SRPX2: variants seen among roughly 807,000 people sequenced by gnomAD.
SRPX2 encodes the protein sushi repeat-containing protein SRPX2.
SRPX2 carries 26 observed loss-of-function variants against 45.3 expected under a neutral mutation model. The ratio of observed to expected loss-of-function variants is 0.57; its 90% CI spans 0.42 to 0.80. The LOEUF is 0.80. Ranked by LOEUF, SRPX2 falls within the 30% of genes least tolerant of loss-of-function variation. The pLI, the probability that SRPX2 is intolerant of heterozygous loss-of-function variation, is 0.00. For missense variants in SRPX2, 355 were observed against 399.8 expected (o/e 0.89, Z 0.95); for synonymous variants, 125 against 143.7 (o/e 0.87, Z 0.93).
chrX:100,646,180 T>C lies in SRPX2; in HGVS notation c.-130-13T>C. On this transcript the variant is annotated splice_polypyrimidine_tract_variant and intron_variant, in intron 1 of 10. Transcript: ENST00000373004. ...GCATTCATTAATTATAAAATCTCTC[T>C]TCTTCCTCACAGATCCCATATTTCT... 1 of 528,734 alleles carries C rather than the reference T, an allele frequency of 1.9e-6. No individual in the cohort carries two copies. Among genetic ancestry groups the C allele is most frequent in the South Asian group, 2.6e-5 (1 of 39,150 alleles). 43.6% of individuals were successfully genotyped at this position (528,734 alleles called of 1,213,427 possible).
In SRPX2 at chrX:100,671,304, C is replaced by A. The variant is rs2147652859; in HGVS notation, c.*317C>A. On this transcript the variant is annotated 3_prime_UTR_variant, in exon 11 of 11. Coordinates refer to ENST00000373004, the MANE Select transcript of SRPX2 (RefSeq NM_014467.3). ...AATCCTAAATTCAGTGATGAACTGG[C>A]TGTTTTAACTGGTTCCTCTACCCTG... 1 of 320,458 alleles carries A rather than the reference C, an allele frequency of 3.1e-6. No homozygotes were observed. The highest frequency in any genetic ancestry group is 5.6e-6 in the Non-Finnish European group (1 of 179,296). 26.4% of individuals were successfully genotyped at this position (320,458 alleles called of 1,213,427 possible).
At chrX:100,644,871 AG>A (rs1263192306) in intron 1 of SRPX2, among the ~76,000 whole-genome samples, 1 of 111,240 alleles carries the variant, frequency 9.0e-6, no homozygotes, top group African/African-American at 3.3e-5. Context: ...GATGTGGGAG[AG>A]GGGTCAGTGA....
chrX:100,658,150 C>T (rs1286882979), intron 3 of SRPX2, among the ~76,000 whole-genome samples: 1 of 111,969 alleles, frequency 8.9e-6, no homozygotes, highest in African/African-American at 3.2e-5. Context: ...GTTTTTGTTT[C>T]CTGGCTTTTG....
At chrX:100,656,892 C>T (rs1371973374) in intron 3 of SRPX2, among the ~76,000 whole-genome samples, 1 of 109,577 alleles carries the variant, frequency 9.1e-6, no homozygotes, top group East Asian at 2.9e-4. Flanking sequence ...TCCTTCCTTC[C>T]TTTCCTTCCT....
chrX:100,659,797 CT>C (rs34926181), intron 3 of SRPX2, among the ~76,000 whole-genome samples: 1,395 of 85,980 alleles, frequency 0.016, 47 homozygotes, highest in African/African-American at 0.058. Context: ...TTTTTCAAAG[CT>C]TTTTTTTTTT....
intron 3 of SRPX2, among the ~76,000 whole-genome samples, chrX:100,660,712 G>T (rs1488465460): frequency 9.0e-6 from 1 of 111,051 alleles, no homozygotes; most frequent in African/African-American, 3.3e-5. Flanking sequence ...GTGGTGGCAG[G>T]CGCCTGTAGT....
intron 2 of SRPX2, 46 bp from the exon 3 acceptor site, chrX:100,650,739 A>T: frequency 8.8e-7 from 1 of 1,132,676 alleles, no homozygotes; most frequent in Non-Finnish European, 1.2e-6. Context: ...GAAGGAATTG[A>T]GTGAGAAATC....
intron 2 of SRPX2, among the ~76,000 whole-genome samples, chrX:100,647,829 C>T (rs757608440): frequency 8.9e-6 from 1 of 112,628 alleles, no homozygotes; most frequent in South Asian, 3.7e-4. Flanking sequence ...TGGAACACCC[C>T]ACTTCCACGT....
rs927117258 is a variant in SRPX2 at position 100,673,372 on chromosome X, T to C, written c.*2385T>C. 6 of 111,763 alleles carry C rather than the reference T, an allele frequency of 5.4e-5. No homozygotes were observed. Among genetic ancestry groups the C allele is most frequent in the African/African-American group, 2.0e-4 (6 of 30,699 alleles). 9.2% of individuals were successfully genotyped at this position (111,763 alleles called of 1,213,427 possible). A position where few individuals can be genotyped will look rare whatever the true frequency, so the allele number is the denominator to read the frequency against. ...TAAAGTTTTACAGTAACCTCCTTTG[T>C]AGTCCTTTGAAGATGAGGATTTGAG... On this transcript the variant is annotated 3_prime_UTR_variant, in exon 11 of 11. Coordinates refer to ENST00000373004, the MANE Select transcript of SRPX2 (RefSeq NM_014467.3).
rs2083151166 is a variant in SRPX2 at position 100,650,938 on chromosome X, C to A, written c.163+73C>A. Reference sequence around the variant, plus strand: ...AGACCTAGGCCCTTCCCTGAAGCATCCCCATCAGGCTTGGCTCACATGTGT... The same window carrying A: ...AGACCTAGGCCCTTCCCTGAAGCATACCCATCAGGCTTGGCTCACATGTGT... On this transcript the variant is annotated intron_variant, in intron 3 of 10. Transcript: ENST00000373004. 3.5e-6 allele frequency: 3 copies of A among 857,049 alleles called. No homozygotes were observed. In the Admixed American group the frequency reaches 7.0e-5, roughly 20 times the overall value. The allele number at this position is 857,049 out of a possible 1,213,427, so 70.6% of individuals were successfully genotyped here.
chrX:100,669,500 C>G, intron 10 of SRPX2, 131 bp downstream of exon 10: 1 of 609,326 alleles, frequency 1.6e-6, no homozygotes, highest in Non-Finnish European at 2.6e-6. Flanking sequence ...GCACTTCTTG[C>G]GTTTGAACTC....
rs146956266 is a variant in SRPX2 at position 100,662,301 on chromosome X, T to C, written c.289T>C (p.Leu97=). Residue 97 remains leucine (L), a synonymous_variant, in exon 4 of 11, where the codon TTG becomes CTG. Coordinates refer to ENST00000373004, the MANE Select transcript of SRPX2 (RefSeq NM_014467.3). ...GCTCTCCTGTGACCGGGGCTTTCGA[T>C]TGATTGGAAGGAGGTCGGTGCAATG... ...CELSCDRGFR[L]IGRRSVQCLP... is the part of the protein sequence containing the mutation. 1.3e-5 allele frequency: 16 copies of C among 1,210,114 alleles called. No individual in the cohort carries two copies. The highest frequency in any genetic ancestry group is 5.3e-5 in the South Asian group (3 of 56,804).
rs376970679 is a variant in SRPX2 at position 100,673,220 on chromosome X, C to G, written c.*2233C>G. The stretch of plus-strand genomic sequence containing the variant: ...CATACTAGCAGGTCAAAGGCCCAAA[C>G]AGCGGAGGCCTACTACCTCCTGAAC... On this transcript the variant is annotated 3_prime_UTR_variant, in exon 11 of 11. Coordinates refer to ENST00000373004, the MANE Select transcript of SRPX2 (RefSeq NM_014467.3). 17 of 112,487 alleles carry G rather than the reference C, an allele frequency of 1.5e-4. No homozygotes were observed. Among genetic ancestry groups the G allele is most frequent in the African/African-American group, 4.9e-4 (15 of 30,926 alleles). 9.3% of individuals were successfully genotyped at this position (112,487 alleles called of 1,213,427 possible). A position where few individuals can be genotyped will look rare whatever the true frequency, so the allele number is the denominator to read the frequency against.
At position 100,665,030 on chromosome X, in the gene SRPX2, C is replaced by T. The variant is rs1602724100; in HGVS notation, c.532+80C>T. ...ATCGACAAAAGATGTGGAATTCTCA[C>T]CACAGAAGGCATTCCTCTTAGCTAT... On this transcript the variant is annotated intron_variant, in intron 5 of 10. Coordinates refer to ENST00000373004, the MANE Select transcript of SRPX2 (RefSeq NM_014467.3). The T allele has an allele frequency of 3.1e-5, 35 of 1,120,551 alleles. No homozygotes were observed. In the South Asian group the frequency reaches 6.3e-4, roughly 20 times the overall value. 92.3% of individuals were successfully genotyped at this position (1,120,551 alleles called of 1,213,427 possible).
At position 100,670,934 on chromosome X, in the gene SRPX2, C is replaced by T; in HGVS notation, c.1345C>T (p.Leu449=). Residue 449 remains leucine, a synonymous_variant, in exon 11 of 11, where the codon CTG becomes TTG. Coordinates refer to ENST00000373004, the MANE Select transcript of SRPX2 (RefSeq NM_014467.3). ...EIFTFIDDYL[L]SNQELTQRRE... Reference sequence around the variant, plus strand: ...CTTCACATTCATTGATGACTACCTACTGAGCAATCAGGAGTTGACCCAGCG... The same window carrying T: ...CTTCACATTCATTGATGACTACCTATTGAGCAATCAGGAGTTGACCCAGCG... The T allele has an allele frequency of 8.3e-7, 1 of 1,211,976 alleles. No homozygotes were observed.
At chrX:100,654,446 C>T (rs1344908059) in intron 3 of SRPX2, among the ~76,000 whole-genome samples, 4 of 111,659 alleles carry the variant, frequency 3.6e-5, no homozygotes, top group Admixed American at 1.9e-4. Context: ...CTCCAGATGG[C>T]AGTAGTGTGT....
At chrX:100,655,068 C>T (rs2083164411) in intron 3 of SRPX2, among the ~76,000 whole-genome samples, 1 of 112,199 alleles carries the variant, frequency 8.9e-6, no homozygotes, top group Non-Finnish European at 1.9e-5. Flanking sequence ...AGATGAATAG[C>T]TACAGAAAGC....
At position 100,664,925 on chromosome X, in the gene SRPX2, G is replaced by T; in HGVS notation, c.507G>T (p.Trp169Cys). 1 of 1,210,118 alleles carries T rather than the reference G, an allele frequency of 8.3e-7. No individual in the cohort carries two copies. The highest frequency in any genetic ancestry group is 1.1e-6 in the Non-Finnish European group (1 of 895,119). ...RSRICMEDGRWSGGEPVCVDI... is the reference protein window; with the variant it reads ...RSRICMEDGRCSGGEPVCVDI... ...GAATCTGCATGGAAGATGGGAGATG[G>T]AGTGGAGGCGAGCCTGTATGTGTAG... The change falls in exon 5 of 11, where the codon TGG becomes TGT. Residue 169 changes from tryptophan (W) to cysteine (C), a missense_variant. Physicochemically the swap from Trp to Cys is radical, Grantham distance 215. Coordinates refer to ENST00000373004, the MANE Select transcript of SRPX2 (RefSeq NM_014467.3).
intron 2 of SRPX2, among the ~76,000 whole-genome samples, chrX:100,648,533 G>A (rs1287308347): frequency 9.1e-6 from 1 of 109,327 alleles, no homozygotes; most frequent in Non-Finnish European, 1.9e-5. Context: ...ACCCATCTTA[G>A]TATTCCACCA....
Sources: allele counts gnomAD v4.1 joint callset (sites outside exome capture counted in the v4.1 genomes callset), GRCh38; gene constraint gnomAD v4.1.1; transcripts MANE v1.5; gene names NCBI Gene and HGNC (gene_info 2026-07-23, HGNC 2026-07-21).